The following AUTS2 variants were observed in gnomAD, a reference collection of about 807,000 sequenced individuals.
AUTS2 encodes activator of transcription and developmental regulator AUTS2, also known as autism susceptibility gene 2 protein.
A neutral mutation model predicts 112.4 loss-of-function variants in AUTS2; 17 were observed. That is an observed-to-expected ratio of 0.15 (90% confidence interval 0.10 to 0.23). The LOEUF (loss-of-function observed/expected upper bound fraction) is 0.23. Among genes scored for constraint, AUTS2 ranks in the 10% least tolerant of loss-of-function variants. The pLI is 1.00. For missense variants in AUTS2, 1,510 were observed against 1,701.6 expected (o/e 0.89, Z 1.98); for synonymous variants, 751 against 702.7 (o/e 1.07, Z -1.09).
chr7:69,812,231 C>T (rs1790574923), intron 1 of AUTS2, among the ~76,000 whole-genome samples: 1 of 152,116 alleles, frequency 6.6e-6, no homozygotes, highest in Non-Finnish European at 1.5e-5. Context: ...TAAAAGCCAT[C>T]TTTCCCCAAC....
chr7:70,707,792 T>G (rs770704351), intron 6 of AUTS2, among the ~76,000 whole-genome samples: 1 of 152,196 alleles, frequency 6.6e-6, no homozygotes, highest in Admixed American at 6.5e-5. Context: ...CCCATTCTTG[T>G]GCCTTTGCGT....
intron 4 of AUTS2, among the ~76,000 whole-genome samples, chr7:70,423,821 G>A (rs186127827): frequency 3.3e-5 from 5 of 152,206 alleles, no homozygotes; most frequent in Admixed American, 6.5e-5. Flanking sequence ...TTCTGTTTTC[G>A]TGTAGCATAG....
At chr7:70,558,018 G>A (rs1415215994) in intron 5 of AUTS2, among the ~76,000 whole-genome samples, 3 of 152,076 alleles carry the variant, frequency 2.0e-5, no homozygotes, top group Non-Finnish European at 4.4e-5. Flanking sequence ...GGTGGAGTGG[G>A]GATGGCGTTC....
chr7:70,337,994 T>C (rs1356027064), intron 4 of AUTS2, among the ~76,000 whole-genome samples: 1 of 152,228 alleles, frequency 6.6e-6, no homozygotes, highest in African/African-American at 2.4e-5. Flanking sequence ...CAGCTACCTC[T>C]TCTAGGATAA....
Position 70,025,193 on chromosome 7 carries a change from A to G in AUTS2, c.523-92939A>G, listed in dbSNP as rs370235456. ...TTTGATGCTTTGTATTTCTGATCTC[A>G]TGTAATCCTCTTGACAATTCCATGG... On this transcript the variant is annotated intron_variant, in intron 2 of 18. Transcript: ENST00000342771. Among the ~76,000 whole-genome samples the G allele has an allele frequency of 1.5e-4, 23 of 152,288 alleles. No individual in the cohort carries two copies. In the East Asian group the frequency reaches 3.9e-3, roughly 26 times the overall value.
intron 4 of AUTS2, among the ~76,000 whole-genome samples, chr7:70,358,637 G>A (rs549921898): frequency 6.6e-6 from 1 of 152,282 alleles, no homozygotes; most frequent in South Asian, 2.1e-4. Context: ...CTGTCTCCTT[G>A]GTGTGCACCA....
chr7:70,351,521 G>C (rs928808155), intron 4 of AUTS2, among the ~76,000 whole-genome samples: 4 of 152,062 alleles, frequency 2.6e-5, no homozygotes, highest in African/African-American at 9.7e-5. Flanking sequence ...TCTTCAAGAT[G>C]TTAATTTCAT....
intron 5 of AUTS2, among the ~76,000 whole-genome samples, chr7:70,473,352 C>T (rs1797463252): frequency 6.6e-6 from 1 of 152,184 alleles, no homozygotes; most frequent in African/African-American, 2.4e-5. Context: ...GCATAGTTAG[C>T]AAATCCCTCC....
intron 5 of AUTS2, among the ~76,000 whole-genome samples, chr7:70,513,001 A>G (rs1455329825): frequency 6.6e-6 from 1 of 152,202 alleles, no homozygotes; most frequent in African/African-American, 2.4e-5. Context: ...TGGTGCCAGC[A>G]ATTATAAAAG....
intron 1 of AUTS2, among the ~76,000 whole-genome samples, chr7:69,710,136 T>C (rs1798249584): frequency 6.6e-6 from 1 of 152,174 alleles, no homozygotes; most frequent in African/African-American, 2.4e-5. Context: ...ATTAAATAAG[T>C]CCCTTAATTC....
chr7:69,691,087 G>C (rs1250374568), intron 1 of AUTS2, among the ~76,000 whole-genome samples: 3 of 152,206 alleles, frequency 2.0e-5, no homozygotes, highest in Admixed American at 6.5e-5. Context: ...GCAGCTGGTA[G>C]TCCTGACATC....
chr7:70,146,888 C>T (rs1195247911), intron 4 of AUTS2, among the ~76,000 whole-genome samples: 1 of 152,066 alleles, frequency 6.6e-6, no homozygotes, highest in African/African-American at 2.4e-5. Context: ...ATTTCAGAAC[C>T]TGGTTAAAGC....
intron 4 of AUTS2, among the ~76,000 whole-genome samples, chr7:70,373,848 T>G (rs1222470784): frequency 6.6e-6 from 1 of 152,214 alleles, no homozygotes; most frequent in East Asian, 1.9e-4. Context: ...CTGTTCATAT[T>G]TAGTGAACAT....
chr7:70,223,387 G>A (rs571599160), intron 4 of AUTS2, among the ~76,000 whole-genome samples: 1 of 152,216 alleles, frequency 6.6e-6, no homozygotes, highest in South Asian at 2.1e-4. Flanking sequence ...AGAGTCCCAC[G>A]AGATTATAAT....
At chr7:70,721,713 A>G (rs1405929872) in intron 6 of AUTS2, among the ~76,000 whole-genome samples, 4 of 152,200 alleles carry the variant, frequency 2.6e-5, no homozygotes, top group Non-Finnish European at 4.4e-5. Context: ...ACCGTAGCTC[A>G]CTTTCTTTTT....
At chr7:69,890,997 T>C (rs1475554447) in intron 1 of AUTS2, among the ~76,000 whole-genome samples, 1 of 152,238 alleles carries the variant, frequency 6.6e-6, no homozygotes, top group Non-Finnish European at 1.5e-5. Context: ...AGGTATAATT[T>C]ACATTCCAGT....
chr7:69,748,201 A>G (rs1033843781), intron 1 of AUTS2, among the ~76,000 whole-genome samples: 1 of 151,868 alleles, frequency 6.6e-6, no homozygotes, highest in South Asian at 2.1e-4. Flanking sequence ...TAGATTTCTT[A>G]TCTCAGGAAG....
At chr7:70,372,269 T>C (rs1381623562) in intron 4 of AUTS2, among the ~76,000 whole-genome samples, 1 of 152,178 alleles carries the variant, frequency 6.6e-6, no homozygotes, top group South Asian at 2.1e-4. Flanking sequence ...TCATTGTAGA[T>C]TGAGATTTCT....
At chr7:69,779,071 A>AC (rs1324471202) in intron 1 of AUTS2, among the ~76,000 whole-genome samples, 13 of 150,450 alleles carry the variant, frequency 8.6e-5, no homozygotes, top group African/African-American at 3.2e-4. Context: ...AAAAAAAAAA[A>AC]AAAAGAGTCT....
Sources: gnomAD v4.1 joint callset for allele counts (sites outside exome capture counted in the v4.1 genomes callset) on GRCh38, gnomAD v4.1.1 for gene constraint, MANE v1.5 for transcripts, NCBI Gene and HGNC (gene_info 2026-07-23, HGNC 2026-07-21) for gene names.